The following ZBTB8A variants were observed in gnomAD, a reference collection of about 807,000 sequenced individuals.
The protein encoded by ZBTB8A is zinc finger and BTB domain containing 8A.
ZBTB8A carries 19 observed loss-of-function variants against 37.8 expected under a neutral mutation model. The ratio of observed to expected loss-of-function variants is 0.50; its 90% CI spans 0.35 to 0.74. ZBTB8A has a LOEUF of 0.74. ZBTB8A is among the 30% of genes least tolerant of loss of function. The pLI, the probability that ZBTB8A is intolerant of heterozygous loss-of-function variation, is 0.01. For synonymous variants in ZBTB8A, 181 were observed against 185.2 expected, an observed-to-expected ratio of 0.98 and a Z score of 0.19; for missense variants, 394 against 537.8, an observed-to-expected ratio of 0.73 and a Z score of 2.65.
At chr1:32,585,027 C>CTTTTTTTT (rs1163697499) in intron 2 of ZBTB8A, among the ~76,000 whole-genome samples, 2 of 105,618 alleles carry the variant, frequency 1.9e-5, no homozygotes, top group Non-Finnish European at 1.9e-5. Context: ...TTTCAGATTT[C>CTTTTTTTT]TTTTTTTTTT....
chr1:32,551,810 TG>T (rs1570315137), intron 1 of ZBTB8A, among the ~76,000 whole-genome samples: 1 of 152,220 alleles, frequency 6.6e-6, no homozygotes, highest in Non-Finnish European at 1.5e-5. Context: ...TGGCTTCAGG[TG>T]ACCTTCTTGC....
Position 32,582,653 on chromosome 1 carries a change from AG to A in ZBTB8A, c.-1-10277del, listed in dbSNP as rs201805911. Among the ~76,000 whole-genome samples, 1,108 of 152,046 alleles carry A rather than the reference AG, an allele frequency of 7.3e-3. 17 individuals carry two copies. The highest frequency in any genetic ancestry group is 0.025 in the African/African-American group (1,026 of 41,502). ...AGTGAAACTCTCTCAAAAAAAAAAA[AG>A]AAGGATACTCAACCTGTAAAAGATT... On this transcript the variant is annotated intron_variant, in intron 2 of 4. Coordinates refer to ENST00000373510, the MANE Select transcript of ZBTB8A (RefSeq NM_001040441.3).
intron 2 of ZBTB8A, among the ~76,000 whole-genome samples, chr1:32,573,851 G>A (rs1285168413): frequency 6.6e-6 from 1 of 150,470 alleles, no homozygotes; most frequent in South Asian, 2.1e-4. Flanking sequence ...GAGACAGGCG[G>A]ATCACCTGAG....
In ZBTB8A at chr1:32,599,718, A is replaced by AAAATAAAT. The variant is rs532896304; in HGVS notation, c.994-350_994-343dup. On this transcript the variant is annotated intron_variant, in intron 4 of 4. Transcript: ENST00000373510. ...GGCAACAGAGTGAGACTCTGTCTCA[A>AAAATAAAT]AAATAAATAAATAAATAAATAAATA... is the stretch of plus-strand genomic sequence containing the variant. 2.2e-3 allele frequency among the ~76,000 whole-genome samples: 330 copies of AAAATAAAT among 151,922 alleles called. 1 individual carries two copies. Among genetic ancestry groups the AAAATAAAT allele is most frequent in the African/African-American group, 7.6e-3 (317 of 41,468 alleles).
chr1:32,567,825 A>AAACAAGAAC (rs1553178097), intron 2 of ZBTB8A, among the ~76,000 whole-genome samples: 1 of 63,676 alleles, frequency 1.6e-5, no homozygotes, highest in Admixed American at 2.4e-4. Context: ...AAAAAAAAAC[A>AAACAAGAAC]AAAACAAAAC....
intron 1 of ZBTB8A, among the ~76,000 whole-genome samples, chr1:32,545,962 CTT>C (rs1644100472): frequency 6.6e-6 from 1 of 152,148 alleles, no homozygotes; most frequent in South Asian, 2.1e-4. Flanking sequence ...CTTCCTGTCT[CTT>C]CTCTGACTCT....
chr1:32,560,864 G>A (rs1212688767), intron 2 of ZBTB8A, among the ~76,000 whole-genome samples: 1 of 151,936 alleles, frequency 6.6e-6, no homozygotes, highest in Non-Finnish European at 1.5e-5. Context: ...GACCTCAAGT[G>A]ATCTGCCCAC....
At chr1:32,542,023 A>G (rs1410780039) in intron 1 of ZBTB8A, among the ~76,000 whole-genome samples, 2 of 152,178 alleles carry the variant, frequency 1.3e-5, no homozygotes, top group Non-Finnish European at 2.9e-5. Context: ...CAATGTTTTC[A>G]ACTTAAAATA....
At chr1:32,546,036 A>G (rs1306701129) in intron 1 of ZBTB8A, among the ~76,000 whole-genome samples, 1 of 152,124 alleles carries the variant, frequency 6.6e-6, no homozygotes, top group Non-Finnish European at 1.5e-5. Context: ...ACATTTCATC[A>G]CCTCTATATT....
intron 2 of ZBTB8A, among the ~76,000 whole-genome samples, chr1:32,590,980 A>G (rs1644483765): frequency 6.6e-6 from 1 of 150,722 alleles, no homozygotes; most frequent in South Asian, 2.1e-4. Context: ...TGCAACCTCC[A>G]CTTCCTGGGT....
At chr1:32,548,469 G>C (rs1644124427) in intron 1 of ZBTB8A, among the ~76,000 whole-genome samples, 1 of 152,024 alleles carries the variant, frequency 6.6e-6, no homozygotes, top group African/African-American at 2.4e-5. Context: ...TAAGTAGCTG[G>C]GATTACAGGC....
At chr1:32,544,656 T>C (rs1421145235) in intron 1 of ZBTB8A, among the ~76,000 whole-genome samples, 1 of 152,200 alleles carries the variant, frequency 6.6e-6, no homozygotes, top group Non-Finnish European at 1.5e-5. Flanking sequence ...GAGATGGTGC[T>C]ACTGCACTCC....
At chr1:32,542,357 C>T (rs1254811666) in intron 1 of ZBTB8A, among the ~76,000 whole-genome samples, 3 of 151,948 alleles carry the variant, frequency 2.0e-5, no homozygotes, top group African/African-American at 2.4e-5. Context: ...GTGTGGATCA[C>T]GAGGTCAGGA....
chr1:32,578,455 C>T (rs1208448634), intron 2 of ZBTB8A, among the ~76,000 whole-genome samples: 9 of 151,784 alleles, frequency 5.9e-5, no homozygotes, highest in African/African-American at 1.5e-4. Flanking sequence ...TCAAGTGATC[C>T]GCCCGCCTTG....
intron 2 of ZBTB8A, among the ~76,000 whole-genome samples, chr1:32,555,050 C>A (rs1011742584): frequency 6.6e-6 from 1 of 152,074 alleles, no homozygotes; most frequent in South Asian, 2.1e-4. Context: ...GCAGCCTTGG[C>A]GTCACTGTCT....
At position 32,600,461 on chromosome 1, in the gene ZBTB8A, A is replaced by G. The variant is rs1252701260; in HGVS notation, c.*42A>G. On this transcript the variant is annotated 3_prime_UTR_variant, in exon 5 of 5. Transcript: ENST00000373510. ...CAGAGCTGGCATGTCTGCAATTTAC[A>G]TTGACTTCCTGTATCTCTCTCTTTC... is the stretch of plus-strand genomic sequence containing the variant. 1.4e-6 allele frequency: 2 copies of G among 1,420,204 alleles called. No homozygotes were observed. Among genetic ancestry groups the G allele is most frequent in the South Asian group, 1.3e-5 (1 of 79,580 alleles). The allele number at this position is 1,420,204 out of a possible 1,614,324, so 88.0% of individuals were successfully genotyped here.
chr1:32,591,747 T>A (rs972212369), intron 2 of ZBTB8A, among the ~76,000 whole-genome samples: 1 of 152,060 alleles, frequency 6.6e-6, no homozygotes, highest in African/African-American at 2.4e-5. Context: ...CATCTCTATA[T>A]TTAAAAAATG....
chr1:32,580,305 C>T (rs941248846), intron 2 of ZBTB8A, among the ~76,000 whole-genome samples: 1 of 152,022 alleles, frequency 6.6e-6, no homozygotes, highest in Admixed American at 6.6e-5. Flanking sequence ...TGTATATAAT[C>T]CCAGCACTTT....
intron 2 of ZBTB8A, among the ~76,000 whole-genome samples, chr1:32,570,869 G>A (rs1390242149): frequency 1.3e-5 from 2 of 150,864 alleles, no homozygotes; most frequent in African/African-American, 4.9e-5. Flanking sequence ...TACTCTTTAT[G>A]CCTGTTATTT....
Sources: gnomAD v4.1 joint callset for allele counts (sites outside exome capture counted in the v4.1 genomes callset) on GRCh38, gnomAD v4.1.1 for gene constraint, MANE v1.5 for transcripts, NCBI Gene and HGNC (gene_info 2026-07-23, HGNC 2026-07-21) for gene names.